The following MBNL1 variants were observed in gnomAD, a reference collection of about 807,000 sequenced individuals.
MBNL1 encodes the protein muscleblind like splicing regulator 1, also known as muscleblind-like protein 1.
A neutral mutation model predicts 42.2 loss-of-function variants in MBNL1; 8 were observed. That is an observed-to-expected ratio of 0.19 (90% CI 0.11 to 0.34). MBNL1 has a LOEUF of 0.34. Ranked by LOEUF, MBNL1 falls within the 10% of genes least tolerant of loss-of-function variation. The pLI, the probability that MBNL1 is intolerant of heterozygous loss-of-function variation, is 1.00. For synonymous variants in MBNL1, 169 were observed against 173.9 expected (o/e 0.97, Z 0.22); for missense variants, 309 against 495.3 (o/e 0.62, Z 3.57).
chr3:152,426,147 A>G (rs1040322467), intron 3 of MBNL1, among the ~76,000 whole-genome samples: 2 of 149,642 alleles, frequency 1.3e-5, no homozygotes, highest in African/African-American at 5.0e-5. Context: ...GAGTTGAGCA[A>G]TGAGAACATG....
intron 2 of MBNL1, among the ~76,000 whole-genome samples, chr3:152,370,652 C>G (rs972883107): frequency 6.6e-6 from 1 of 152,134 alleles, no homozygotes; most frequent in African/African-American, 2.4e-5. Context: ...TTGTAGGTCT[C>G]TAAGAACTTG....
chr3:152,281,599 A>C lies in MBNL1; in HGVS notation c.-790+12507A>C, dbSNP rs78335433. On this transcript the variant is annotated intron_variant, in intron 1 of 9. Transcript: ENST00000324210. ...CCCAGCACTCGCCAAGATCAGCAAA[A>C]TCTACTTTTAGACTCAAAATCATTA... Among the ~76,000 whole-genome samples the C allele has an allele frequency of 7.1e-3, 1,082 of 152,174 alleles. 6 individuals are homozygous for C. Among genetic ancestry groups the C allele is most frequent in the Non-Finnish European group, 0.01 (701 of 67,988 alleles).
intron 2 of MBNL1, among the ~76,000 whole-genome samples, chr3:152,367,379 A>G (rs2096449911): frequency 6.6e-6 from 1 of 152,154 alleles, no homozygotes; most frequent in Non-Finnish European, 1.5e-5. Flanking sequence ...ATGGCTGCAT[A>G]GTATTCCATG....
At chr3:152,338,678 G>A in intron 2 of MBNL1, 2 of 985,340 alleles carry the variant, frequency 2.0e-6, no homozygotes. Flanking sequence ...GTAAAGGTAA[G>A]ATTCTGATTT....
chr3:152,437,117 G>A (rs1275797604), intron 4 of MBNL1, among the ~76,000 whole-genome samples: 5 of 152,194 alleles, frequency 3.3e-5, no homozygotes, highest in Admixed American at 1.3e-4. Context: ...TTGACCAAAT[G>A]TTTGGTCATT....
intron 2 of MBNL1, among the ~76,000 whole-genome samples, chr3:152,357,640 G>T (rs2095624406): frequency 6.6e-6 from 1 of 152,098 alleles, no homozygotes; most frequent in Non-Finnish European, 1.5e-5. Flanking sequence ...AGGAGAAAGG[G>T]TATGTAGACA....
chr3:152,457,194 C>A (rs1735385952), intron 8 of MBNL1, among the ~76,000 whole-genome samples: 1 of 152,050 alleles, frequency 6.6e-6, no homozygotes, highest in Non-Finnish European at 1.5e-5. Flanking sequence ...TTTTCTGATT[C>A]TACTTAAAAA....
At chr3:152,281,212 G>GA (rs1323450266) in intron 1 of MBNL1, among the ~76,000 whole-genome samples, 5 of 152,150 alleles carry the variant, frequency 3.3e-5, no homozygotes, top group Non-Finnish European at 7.4e-5. Context: ...GGCTTGGAAA[G>GA]ATTAAGGTTA....
chr3:152,406,714 G>C (rs1011696898), intron 2 of MBNL1, among the ~76,000 whole-genome samples: 15 of 152,078 alleles, frequency 9.9e-5, no homozygotes, highest in African/African-American at 3.6e-4. Flanking sequence ...CAATAGTGAG[G>C]ATATTTTGGG....
At chr3:152,268,700 G>A (rs548783192), upstream of MBNL1, 2 of 453,554 alleles carry the variant, frequency 4.4e-6, no homozygotes, top group African/African-American at 2.0e-5. Context: ...GACCGCCCAT[G>A]ACCCGCTCTT....
At chr3:152,267,367 G>C (rs919795066), upstream of MBNL1, 1 of 152,322 alleles carries the variant, frequency 6.6e-6, no homozygotes, top group East Asian at 1.9e-4. Flanking sequence ...CCCACATACA[G>C]CACTTATCCC....
chr3:152,290,000 T>A (rs2054938651), intron 1 of MBNL1, among the ~76,000 whole-genome samples: 1 of 152,138 alleles, frequency 6.6e-6, no homozygotes, highest in Admixed American at 6.5e-5. Flanking sequence ...TTGGTCTTTT[T>A]ATTTAATTAT....
intron 9 of MBNL1, among the ~76,000 whole-genome samples, chr3:152,460,633 A>C (rs1014504448): frequency 1.4e-4 from 22 of 151,950 alleles, no homozygotes; most frequent in African/African-American, 2.9e-4. Flanking sequence ...CAAAAAAAAA[A>C]ACCACTGTCT....
In MBNL1 at chr3:152,299,444, T is replaced by C. The variant is rs1577374036; in HGVS notation, c.-750T>C. 3 of 362,704 alleles carry C rather than the reference T, an allele frequency of 8.3e-6. No homozygotes were observed. In the East Asian group the frequency reaches 1.2e-4, roughly 14 times the overall value. 22.5% of individuals were successfully genotyped at this position (362,704 alleles called of 1,614,324 possible). A position where few individuals can be genotyped will look rare whatever the true frequency, so the allele number is the denominator to read the frequency against. On this transcript the variant is annotated 5_prime_UTR_variant, in exon 2 of 10. Transcript: ENST00000324210. ...GTGCCTTTCCTGACGTCTCTGCTGC[T>C]TGGAACCGCTTCTAGAGCAGTCTCT...
chr3:152,287,333 A>ATAC, intron 1 of MBNL1, among the ~76,000 whole-genome samples: 1 of 152,344 alleles, frequency 6.6e-6, no homozygotes, highest in South Asian at 2.1e-4. Context: ...TTTTATAAGC[A>ATAC]TACTACCTTG....
intron 4 of MBNL1, among the ~76,000 whole-genome samples, chr3:152,443,128 C>T (rs2099165355): frequency 6.6e-6 from 1 of 151,472 alleles, no homozygotes; most frequent in African/African-American, 2.4e-5. Context: ...AAATGTTCCA[C>T]AGGAGAGTAA....
At chr3:152,354,849 A>T (rs1295300835) in intron 2 of MBNL1, among the ~76,000 whole-genome samples, 2 of 152,044 alleles carry the variant, frequency 1.3e-5, no homozygotes, top group Non-Finnish European at 2.9e-5. Context: ...CCCCCTTAGT[A>T]TTTGCTTCTA....
chr3:152,385,738 A>G (rs1366256420), intron 2 of MBNL1, among the ~76,000 whole-genome samples: 1 of 152,090 alleles, frequency 6.6e-6, no homozygotes, highest in Non-Finnish European at 1.5e-5. Flanking sequence ...AAGTGGTGCA[A>G]TCTGGAAAAT....
intron 4 of MBNL1, among the ~76,000 whole-genome samples, chr3:152,439,273 G>A (rs984869936): frequency 3.3e-5 from 5 of 152,100 alleles, no homozygotes; most frequent in African/African-American, 7.2e-5. Context: ...AAAATAGAAC[G>A]TTTAAAGCTA....
Sources: gnomAD v4.1 joint callset for allele counts (sites outside exome capture counted in the v4.1 genomes callset) on GRCh38, gnomAD v4.1.1 for gene constraint, MANE v1.5 for transcripts, NCBI Gene and HGNC (gene_info 2026-07-23, HGNC 2026-07-21) for gene names.